Variants in LETM1 observed in about 807,000 individuals in gnomAD.
LETM1 encodes mitochondrial proton/calcium exchanger protein.
A neutral mutation model predicts 74.5 loss-of-function variants in LETM1; 50 were observed. The ratio of observed to expected loss-of-function variants is 0.67; its 90% CI spans 0.53 to 0.85. The LOEUF (loss-of-function observed/expected upper bound fraction) is 0.85, where lower values mean the gene tolerates loss of function less well. Among genes scored for constraint, LETM1 ranks in the 40% least tolerant of loss-of-function variants. The pLI, the probability that LETM1 is intolerant of heterozygous loss-of-function variation, is 0.00. For missense variants in LETM1, 824 were observed against 967.8 expected, an observed-to-expected ratio of 0.85 and a Z score of 1.97; for synonymous variants, 446 against 407.1, an observed-to-expected ratio of 1.10 and a Z score of -1.15.
At chr4:1,840,405 C>T (rs961446802) in intron 3 of LETM1, among the ~76,000 whole-genome samples, 3 of 151,466 alleles carry the variant, frequency 2.0e-5, no homozygotes, top group African/African-American at 4.9e-5. Context: ...CGGTGGTTCA[C>T]GCCTGTAATC....
At chr4:1,816,942 GTTTGTC>G in intron 11 of LETM1, 28 bp from the exon 12 acceptor site, 1 of 1,596,296 alleles carries the variant, frequency 6.3e-7, no homozygotes, top group Non-Finnish European at 8.6e-7. Flanking sequence ...GTTGTAAAAA[GTTTGTC>G]TTAAAAGAAA....
chr4:1,834,863 G>T lies in LETM1; in HGVS notation c.858C>A (p.Phe286Leu), dbSNP rs1193414497. 9 of 1,614,076 alleles carry T rather than the reference G, an allele frequency of 5.6e-6. No homozygotes were observed. Among genetic ancestry groups the T allele is most frequent in the African/African-American group, 1.3e-5 (1 of 74,934 alleles). Residue 286 changes from phenylalanine to leucine, a missense_variant, in exon 5 of 14, where the codon TTC becomes TTA. Phe to Leu is a conservative substitution (Grantham distance 22). Transcript: ENST00000302787. This position sits in a 1 kb window ranked among gnomAD's most constrained non-coding sequence, Gnocchi z 5.0. ...KAAKGSATKD[F>L]SVFFQKIRET... ...ACAGCACCTTCTGGAAAAACACAGAGAAGTCTTTGGTGGCGCTGCCCTTGG... is the reference window on the plus strand; with the variant it reads ...ACAGCACCTTCTGGAAAAACACAGATAAGTCTTTGGTGGCGCTGCCCTTGG...
Position 1,811,574 on chromosome 4 carries a change from TA to T in LETM1, c.*2849del. The T allele has an allele frequency of 6.6e-6, 1 of 152,438 alleles. No homozygotes were observed. The highest frequency in any genetic ancestry group is 1.9e-4 in the East Asian group (1 of 5,316). The allele number at this position is 152,438 out of a possible 1,614,324, so 9.4% of individuals were successfully genotyped here. On this transcript the variant is annotated 3_prime_UTR_variant, in exon 14 of 14. Coordinates refer to ENST00000302787, the MANE Select transcript of LETM1 (RefSeq NM_012318.3). ...ACGGGCTGTCCGGTGGAGTCAGCCG[TA>T]GGACCCCTGAAGGATTTACAAAGAC...
chr4:1,828,089 C>T (rs1327973152), intron 6 of LETM1, among the ~76,000 whole-genome samples: 221 of 122,064 alleles, frequency 1.8e-3, no homozygotes, highest in Non-Finnish European at 3.2e-3. Flanking sequence ...GCTGGCCGGG[C>T]AGGGGGGCTG....
intron 12 of LETM1, among the ~76,000 whole-genome samples, chr4:1,816,159 G>A (rs1281576756): frequency 1.3e-5 from 2 of 152,338 alleles, no homozygotes; most frequent in East Asian, 3.9e-4. Context: ...GGGCAGATGA[G>A]GGCCTCCAAG....
chr4:1,816,036 G>A (rs530695296), intron 12 of LETM1, among the ~76,000 whole-genome samples: 1 of 152,290 alleles, frequency 6.6e-6, no homozygotes, highest in Non-Finnish European at 1.5e-5. Context: ...GGTTTCCACG[G>A]GCATGTCTGC....
chr4:1,856,026 C>G lies in LETM1; in HGVS notation c.-76G>C, dbSNP rs1398853351. 3 of 1,003,438 alleles carry G rather than the reference C, an allele frequency of 3.0e-6. No homozygotes were observed. The highest frequency in any genetic ancestry group is 3.8e-6 in the Non-Finnish European group (3 of 790,482). 62.2% of individuals were successfully genotyped at this position (1,003,438 alleles called of 1,614,324 possible). A position where few individuals can be genotyped will look rare whatever the true frequency, so the allele number is the denominator to read the frequency against. ...CGGCGGCCGCGGCTCTTCGCCGTCC[C>G]GGCGGCGCTTCAGACCCGGCCCGCG... On this transcript the variant is annotated 5_prime_UTR_variant, in exon 1 of 14. Coordinates refer to ENST00000302787, the MANE Select transcript of LETM1 (RefSeq NM_012318.3).
rs1343862754 is a variant in LETM1 at position 1,841,404 on chromosome 4, T to C, written c.537A>G (p.Ala179=). Reference sequence around the variant, plus strand: ...CGTTGAGGATGCGCCAGAGCATGCGTGCCGCGATCTTGGTGTCGATCCATA... The same window carrying C: ...CGTTGAGGATGCGCCAGAGCATGCGCGCCGCGATCTTGGTGTCGATCCATA... ...RLLWIDTKIA[A]RMLWRILNGH... is the part of the protein sequence containing the mutation. Residue 179 remains alanine (A), a synonymous_variant, in exon 3 of 14, where the codon GCA becomes GCG. Coordinates refer to ENST00000302787, the MANE Select transcript of LETM1 (RefSeq NM_012318.3). The C allele has an allele frequency of 6.2e-7, 1 of 1,614,136 alleles. No homozygotes were observed. The highest frequency in any genetic ancestry group is 8.5e-7 in the Non-Finnish European group (1 of 1,180,030).
At chr4:1,832,687 T>C in intron 6 of LETM1, 57 bp downstream of exon 6, 1 of 1,518,298 alleles carries the variant, frequency 6.6e-7, no homozygotes, top group East Asian at 2.3e-5. Context: ...GCTTTTATCA[T>C]CAGGAAACGA....
intron 6 of LETM1, among the ~76,000 whole-genome samples, chr4:1,829,174 C>G (rs1298871866): frequency 1.9e-3 from 260 of 135,426 alleles, no homozygotes; most frequent in African/African-American, 7.3e-3. Context: ...GGGGCTGACC[C>G]CCCCCCCACC....
chr4:1,836,444 C>G lies in LETM1; in HGVS notation c.723G>C (p.Glu241Asp). 1 of 1,613,878 alleles carries G rather than the reference C, an allele frequency of 6.2e-7. No individual in the cohort carries two copies. Among genetic ancestry groups the G allele is most frequent in the Non-Finnish European group, 8.5e-7 (1 of 1,179,944 alleles). The change falls in exon 4 of 14, where the codon GAG becomes GAC. Residue 241 changes from glutamate to aspartate, a missense_variant. Physicochemically the swap from Glu to Asp is conservative, Grantham distance 45. Coordinates refer to ENST00000302787, the MANE Select transcript of LETM1 (RefSeq NM_012318.3). The surrounding 1 kb of genome is among the most constrained non-coding windows in gnomAD (Gnocchi z 5.8). Reference protein sequence around the residue: ...LFPNMLPSTFETQSLKEERLK... With the variant: ...LFPNMLPSTFDTQSLKEERLK... Reference sequence around the variant, plus strand: ...CTGCCCTTACCTTGAGTGACTGAGTCTCAAATGTGGATGGCAACATGTTGG... The same window carrying G: ...CTGCCCTTACCTTGAGTGACTGAGTGTCAAATGTGGATGGCAACATGTTGG...
At chr4:1,849,511 G>T (rs908363429) in intron 1 of LETM1, among the ~76,000 whole-genome samples, 1 of 151,990 alleles carries the variant, frequency 6.6e-6, no homozygotes, top group South Asian at 2.1e-4. Flanking sequence ...CAGGTGATCC[G>T]CCCGCCTTGG....
chr4:1,855,811 C>T, intron 1 of LETM1, 58 bp downstream of exon 1: 1 of 1,059,704 alleles, frequency 9.4e-7, no homozygotes, highest in Non-Finnish European at 1.2e-6. Context: ...CGCGGGTCGT[C>T]CGCGCTCCCG....
Position 1,849,194 on chromosome 4 carries a change from G to T in LETM1, c.98C>A (p.Pro33His). Residue 33 changes from proline (P) to histidine (H), a missense_variant, in exon 2 of 14, where the codon CCT (proline) becomes CAT (histidine). By Grantham distance (77) the Pro-to-His change is moderately conservative. Around this residue, in one of 4 missense-constraint regions of LETM1, gnomAD observed 222 missense variants for 195.6 expected, o/e 1.14. Transcript: ENST00000302787. ...YTVPRGSPGDPAHLSCASTLG... is the reference protein window; with the variant it reads ...YTVPRGSPGDHAHLSCASTLG... ...GGTGCTGGCACAGCTGAGATGAGCA[G>T]GATCCCCTGGACTACCTGTAACAGG... 3 of 1,612,672 alleles carry T rather than the reference G, an allele frequency of 1.9e-6. No homozygotes were observed. The highest frequency in any genetic ancestry group is 2.5e-6 in the Non-Finnish European group (3 of 1,178,658).
intron 2 of LETM1, among the ~76,000 whole-genome samples, chr4:1,843,611 C>T (rs900624411): frequency 5.3e-5 from 8 of 152,158 alleles, no homozygotes; most frequent in South Asian, 4.1e-4. Context: ...CTCAAGAATA[C>T]GGGAAATAGA....
chr4:1,851,555 G>A (rs111777885), intron 1 of LETM1, among the ~76,000 whole-genome samples: 16 of 152,322 alleles, frequency 1.1e-4, no homozygotes, highest in African/African-American at 3.6e-4. Flanking sequence ...CTGGGTTAAG[G>A]GGAAAATGTT....
chr4:1,822,151 C>G, intron 10 of LETM1, 30 bp downstream of exon 10: 1 of 1,372,368 alleles, frequency 7.3e-7, no homozygotes, highest in Non-Finnish European at 9.5e-7. Context: ...CCCTCCTCAG[C>G]CTCCAGGGCC....
At chr4:1,841,876 G>T in intron 2 of LETM1, 79 bp from the exon 3 acceptor site, 1 of 1,046,390 alleles carries the variant, frequency 9.6e-7, no homozygotes, top group Non-Finnish European at 1.4e-6. Flanking sequence ...ACCAACAGCA[G>T]CAAAACCCAC....
chr4:1,841,711 G>C lies in LETM1; in HGVS notation c.230C>G (p.Pro77Arg). ...GDHLGCWALRPECLRIVSRAP... is the reference protein window; with the variant it reads ...GDHLGCWALRRECLRIVSRAP... Reference sequence around the variant, plus strand: ...TCTCGACACTATGCGAAGGCACTCGGGCCTCAGAGCCCAACAGCCGAGGTG... The same window carrying C: ...TCTCGACACTATGCGAAGGCACTCGCGCCTCAGAGCCCAACAGCCGAGGTG... Residue 77 changes from proline (P) to arginine (R), a missense_variant, in exon 3 of 14, where the codon CCC becomes CGC. Physicochemically the swap from Pro to Arg is moderately radical, Grantham distance 103. This residue lies in a region of LETM1 where 222 missense variants were observed against 195.6 expected (regional missense o/e 1.14). Coordinates refer to ENST00000302787, the MANE Select transcript of LETM1 (RefSeq NM_012318.3). 6.2e-7 allele frequency: 1 copy of C among 1,614,200 alleles called. No individual in the cohort carries two copies. Among genetic ancestry groups the C allele is most frequent in the Non-Finnish European group, 8.5e-7 (1 of 1,180,034 alleles).
Sources: allele counts gnomAD v4.1 joint callset (sites outside exome capture counted in the v4.1 genomes callset), GRCh38; gene constraint gnomAD v4.1.1; regional missense constraint gnomAD v4.1.1; non-coding constraint Gnocchi (gnomAD v3.1); transcripts MANE v1.5; gene names NCBI Gene and HGNC (gene_info 2026-07-23, HGNC 2026-07-21).